CELF2: variants seen among roughly 807,000 people sequenced by gnomAD.
CELF2 encodes CUG triplet repeat RNA-binding protein 2.
Under a neutral mutation model 62.6 loss-of-function variants are expected in CELF2, and 8 were observed. The observed-to-expected ratio is 0.13, with a 90% CI of 0.07 to 0.23. The LOEUF is 0.23. CELF2 is among the 10% of genes least tolerant of loss of function. The pLI, the probability that CELF2 is intolerant of heterozygous loss-of-function variation, is 1.00. For missense variants in CELF2, 333 were observed against 671.0 expected, an observed-to-expected ratio of 0.50 and a Z score of 5.56; for synonymous variants, 258 against 250.0, an observed-to-expected ratio of 1.03 and a Z score of -0.30.
intron 2 of CELF2, among the ~76,000 whole-genome samples, chr10:11,187,581 C>G (rs200585120): frequency 3.4e-5 from 5 of 147,268 alleles, no homozygotes; most frequent in South Asian, 4.6e-4. Flanking sequence ...TCGCCCCCCC[C>G]CCAACCTGTT....
chr10:10,519,701 T>C, the CELF2 span, among the ~76,000 whole-genome samples: 1 of 152,198 alleles, frequency 6.6e-6, no homozygotes, highest in African/African-American at 2.4e-5. Context: ...ACCACAAGAC[T>C]GGTCATGGGT....
At chr10:11,009,928 G>A (rs1342837528) in intron 1 of CELF2, among the ~76,000 whole-genome samples, 2 of 152,228 alleles carry the variant, frequency 1.3e-5, no homozygotes, top group Admixed American at 6.5e-5. Flanking sequence ...AGAAAACTCT[G>A]TGTTGAAGCT....
chr10:11,230,227 A>G (rs1179376808), intron 3 of CELF2, among the ~76,000 whole-genome samples: 5 of 152,226 alleles, frequency 3.3e-5, no homozygotes, highest in African/African-American at 1.2e-4. Context: ...CAGATACGTT[A>G]ACTAGCTTGA....
intron 1 of CELF2, among the ~76,000 whole-genome samples, chr10:10,810,601 C>A (rs779718792): frequency 6.6e-6 from 1 of 151,902 alleles, no homozygotes; most frequent in Non-Finnish European, 1.5e-5. Flanking sequence ...GAGCCAGGGG[C>A]GGCTCTAAGG....
the CELF2 span, among the ~76,000 whole-genome samples, chr10:10,656,869 A>C: frequency 4.6e-5 from 7 of 151,612 alleles, no homozygotes; most frequent in African/African-American, 1.7e-4. Flanking sequence ...CTTAAAGTAT[A>C]ATTAAAAAAA....
chr10:11,283,975 C>T (rs61830945), intron 8 of CELF2, among the ~76,000 whole-genome samples: 1,034 of 35,602 alleles, frequency 0.029, no homozygotes, highest in Middle Eastern at 0.056. Flanking sequence ...GGGTGGATGA[C>T]GGATGAGTGT....
chr10:10,815,771 C>T (rs775793085), intron 1 of CELF2, among the ~76,000 whole-genome samples: 1 of 152,042 alleles, frequency 6.6e-6, no homozygotes, highest in African/African-American at 2.4e-5. Context: ...AATGAGCAGA[C>T]CCAGAACACC....
At chr10:10,945,660 C>T (rs890316250) in intron 2 of CELF2, among the ~76,000 whole-genome samples, 2 of 152,160 alleles carry the variant, frequency 1.3e-5, no homozygotes, top group African/African-American at 2.4e-5. Context: ...GCCAGAGCTC[C>T]GGGAGCCCCT....
intron 1 of CELF2, among the ~76,000 whole-genome samples, chr10:11,161,871 T>C (rs1383989475): frequency 6.6e-6 from 1 of 152,200 alleles, no homozygotes; most frequent in Non-Finnish European, 1.5e-5. Context: ...TGTCCTTAGT[T>C]TCTAGCAGGT....
intron 4 of CELF2, among the ~76,000 whole-genome samples, chr10:11,254,399 G>A (rs566650214): frequency 4.5e-4 from 68 of 152,360 alleles, no homozygotes; most frequent in Non-Finnish European, 6.8e-4. Flanking sequence ...TTTTGATAAC[G>A]TGGATGATGG....
intron 2 of CELF2, among the ~76,000 whole-genome samples, chr10:10,949,687 G>A (rs1006485776): frequency 6.6e-6 from 1 of 151,816 alleles, no homozygotes; most frequent in Admixed American, 6.6e-5. Context: ...TGCAGTCCCA[G>A]CTACTAGGGA....
intron 1 of CELF2, among the ~76,000 whole-genome samples, chr10:10,852,359 A>G (rs1030130563): frequency 2.0e-5 from 3 of 152,240 alleles, no homozygotes; most frequent in Non-Finnish European, 4.4e-5. Flanking sequence ...TACTTGCTAT[A>G]TGACTTCATT....
At chr10:11,065,135 C>T (rs967189244) in intron 1 of CELF2, among the ~76,000 whole-genome samples, 3 of 152,212 alleles carry the variant, frequency 2.0e-5, no homozygotes, top group Admixed American at 6.5e-5. Context: ...ACTTAAGGAG[C>T]TCACCTTCTG....
At chr10:10,639,770 G>T in the CELF2 span, among the ~76,000 whole-genome samples, 2 of 152,018 alleles carry the variant, frequency 1.3e-5, no homozygotes, top group African/African-American at 4.8e-5. Flanking sequence ...AATTTTCCAA[G>T]AATTATATTT....
intron 9 of CELF2, among the ~76,000 whole-genome samples, chr10:11,308,879 G>A (rs976655275): frequency 1.3e-5 from 2 of 152,148 alleles, no homozygotes; most frequent in African/African-American, 4.8e-5. Flanking sequence ...AGTGTCCTCT[G>A]TCCTACTTAC....
At chr10:11,252,412 A>G (rs978358832) in intron 4 of CELF2, among the ~76,000 whole-genome samples, 1 of 152,246 alleles carries the variant, frequency 6.6e-6, no homozygotes, top group African/African-American at 2.4e-5. Flanking sequence ...TACTGTCTTC[A>G]TTATCACTGT....
In CELF2 at chr10:11,165,257, C is replaced by A; in HGVS notation, c.75-229C>A. On this transcript the variant is annotated intron_variant, in intron 1 of 12. Coordinates refer to ENST00000633077, the MANE Select transcript of CELF2 (RefSeq NM_001326342.2). The surrounding 1 kb of genome is among the most constrained non-coding windows in gnomAD (Gnocchi z 7.4). ...CGGCAGGGCGCTGCCCCGTGCTCCC[C>A]CGGCTCTGCTCGACAGCAGCACGCA... 1 of 1,372,200 alleles carries A rather than the reference C, an allele frequency of 7.3e-7. No homozygotes were observed. The highest frequency in any genetic ancestry group is 9.4e-7 in the Non-Finnish European group (1 of 1,062,056). The allele number at this position is 1,372,200 out of a possible 1,614,324, so 85.0% of individuals were successfully genotyped here. A position where few individuals can be genotyped will look rare whatever the true frequency, so the allele number is the denominator to read the frequency against.
At chr10:11,164,481 C>T (rs1052126307) in intron 1 of CELF2, among the ~76,000 whole-genome samples, 1 of 152,032 alleles carries the variant, frequency 6.6e-6, no homozygotes, top group African/African-American at 2.4e-5. Flanking sequence ...TCTGTCAGCC[C>T]CAAATATTTA....
intron 1 of CELF2, among the ~76,000 whole-genome samples, chr10:10,850,369 C>T (rs2059309838): frequency 6.6e-6 from 1 of 152,216 alleles, no homozygotes; most frequent in Admixed American, 6.5e-5. Context: ...CCTAACACTC[C>T]ACCACTGCTG....
Sources: allele counts gnomAD v4.1 joint callset (sites outside exome capture counted in the v4.1 genomes callset), GRCh38; gene constraint gnomAD v4.1.1; non-coding constraint Gnocchi (gnomAD v3.1); transcripts MANE v1.5; gene names NCBI Gene and HGNC (gene_info 2026-07-23, HGNC 2026-07-21).